AFM: variants seen among roughly 807,000 people sequenced by gnomAD.
The protein encoded by AFM is alpha-Alb.
AFM carries 82 observed loss-of-function variants against 68.7 expected under a neutral mutation model. The ratio of observed to expected loss-of-function variants is 1.19; its 90% CI spans 1.00 to 1.43. The LOEUF (loss-of-function observed/expected upper bound fraction) is 1.43, where lower values mean the gene tolerates loss of function less well. AFM is among the 40% of genes most tolerant of loss of function. The pLI is 0.00. For missense variants in AFM, 772 were observed against 701.8 expected (o/e 1.10, Z -1.13); for synonymous variants, 250 against 234.2 (o/e 1.07, Z -0.61).
At chr4:73,484,450 C>CTTTA in intron 3 of AFM, 60 bp downstream of exon 3, 1 of 327,078 alleles carries the variant, frequency 3.1e-6, no homozygotes, top group East Asian at 4.5e-5. Flanking sequence ...CTCTTTCTTT[C>CTTTA]TTTCTTTCTT....
rs748235643 is a variant in AFM at position 73,503,024 on chromosome 4, G to GT, written c.1780-21dup. 3 of 1,611,144 alleles carry GT rather than the reference G, an allele frequency of 1.9e-6. No individual in the cohort carries two copies. In the African/African-American group the frequency reaches 4.0e-5, roughly 21 times the overall value. ...GTGTCTTAAATTTTTCTTCCTATGTGTTTTTATTTCCATCCCTCACCTCAG... is the reference window on the plus strand; with the variant it reads ...GTGTCTTAAATTTTTCTTCCTATGTGTTTTTTATTTCCATCCCTCACCTCAG... On this transcript the variant is annotated intron_variant, in intron 13 of 14. Transcript: ENST00000226355.
At chr4:73,492,176 G>C (rs1721091533) in intron 8 of AFM, 90 bp downstream of exon 8, 1 of 1,188,922 alleles carries the variant, frequency 8.4e-7, no homozygotes, top group Non-Finnish European at 1.2e-6. Context: ...GAAGGACATG[G>C]TACCGTTTAT....
chr4:73,484,086 A>G (rs1396171052), intron 2 of AFM, 97 bp downstream of exon 2: 1 of 1,358,912 alleles, frequency 7.4e-7, no homozygotes, highest in Non-Finnish European at 9.9e-7. Context: ...AATAGAAGCC[A>G]TATCCAAGAA....
chr4:73,489,884 A>G (rs1721023522), intron 7 of AFM, among the ~76,000 whole-genome samples: 1 of 152,300 alleles, frequency 6.6e-6, no homozygotes, highest in East Asian at 1.9e-4. Flanking sequence ...CTTAAAACCT[A>G]GGTGATAAGT....
intron 9 of AFM, among the ~76,000 whole-genome samples, chr4:73,497,208 A>G (rs1721281110): frequency 6.6e-6 from 1 of 152,206 alleles, no homozygotes; most frequent in Non-Finnish European, 1.5e-5. Context: ...GAAAAAATCA[A>G]AAAGAGCAAC....
chr4:73,502,383 G>T (rs762748633), intron 13 of AFM, among the ~76,000 whole-genome samples: 1 of 152,080 alleles, frequency 6.6e-6, no homozygotes. Flanking sequence ...ACTTTCCCAG[G>T]CCTTGTGCTA....
At chr4:73,497,596 G>A (rs140089502) in intron 9 of AFM, 56 bp from the exon 10 acceptor site, 2 of 1,203,882 alleles carry the variant, frequency 1.7e-6, no homozygotes, top group African/African-American at 1.5e-5. Context: ...TTGATGTAAA[G>A]CTTATGGTTA....
chr4:73,482,814 A>G (rs1178676716), intron 1 of AFM, among the ~76,000 whole-genome samples: 1 of 151,950 alleles, frequency 6.6e-6, no homozygotes, highest in African/African-American at 2.4e-5. Context: ...ACCTTTTTCT[A>G]TTTGTCTGGC....
At chr4:73,481,955 C>T (rs1230609716) in intron 1 of AFM, 92 bp downstream of exon 1, 3 of 925,190 alleles carry the variant, frequency 3.2e-6, no homozygotes, top group Non-Finnish European at 3.3e-6. Context: ...TAATTCTTTA[C>T]TTGCTTTTTT....
At chr4:73,497,831 C>A in intron 10 of AFM, 82 bp downstream of exon 10, 1 of 873,742 alleles carries the variant, frequency 1.1e-6, no homozygotes, top group Non-Finnish European at 1.7e-6. Flanking sequence ...AGTTAGCTGT[C>A]AAGTTTTTCA....
chr4:73,502,434 G>T (rs1408674049), intron 13 of AFM, among the ~76,000 whole-genome samples: 1 of 146,762 alleles, frequency 6.8e-6, no homozygotes, highest in Non-Finnish European at 1.5e-5. Context: ...GGAGGGTAAG[G>T]GTAGTCAGGG....
At chr4:73,492,154 C>T (rs1284547333) in intron 8 of AFM, 68 bp downstream of exon 8, 2 of 1,417,368 alleles carry the variant, frequency 1.4e-6, no homozygotes, top group Non-Finnish European at 1.9e-6. Flanking sequence ...ACTTTTGTTG[C>T]TAATTTAGGT....
At chr4:73,503,617 A>G (rs1490695061) in intron 14 of AFM, among the ~76,000 whole-genome samples, 5 of 152,162 alleles carry the variant, frequency 3.3e-5, no homozygotes, top group Admixed American at 2.6e-4. Context: ...TTTCAAAAAG[A>G]TATATAAAGA....
intron 8 of AFM, among the ~76,000 whole-genome samples, chr4:73,492,876 T>TTTG (rs1553895088): frequency 6.6e-6 from 1 of 151,610 alleles, no homozygotes; most frequent in African/African-American, 2.4e-5. Flanking sequence ...TGTTTTTTTT[T>TTTG]TTGTTGTTGT....
chr4:73,501,697 C>A, intron 12 of AFM, 90 bp from the exon 13 acceptor site: 1 of 1,418,496 alleles, frequency 7.0e-7, no homozygotes, highest in South Asian at 1.4e-5. Context: ...AGCTGAGACT[C>A]AAGACGTGAT....
chr4:73,503,218 A>G (rs1721466994), intron 14 of AFM, 108 bp downstream of exon 14: 2 of 845,732 alleles, frequency 2.4e-6, no homozygotes, highest in Admixed American at 2.3e-5. Context: ...ATCCTACATG[A>G]ACAAGAAATG....
At chr4:73,493,941 A>C (rs1187556865) in intron 8 of AFM, among the ~76,000 whole-genome samples, 1 of 152,220 alleles carries the variant, frequency 6.6e-6, no homozygotes, top group Non-Finnish European at 1.5e-5. Flanking sequence ...CAGAGTGCTC[A>C]GTGTTTTAAG....
At chr4:73,486,499 T>C (rs1023797278) in intron 4 of AFM, among the ~76,000 whole-genome samples, 1 of 152,226 alleles carries the variant, frequency 6.6e-6, no homozygotes, top group Non-Finnish European at 1.5e-5. Flanking sequence ...GGAAGGTTGG[T>C]ATGCTCCTTG....
chr4:73,500,100 A>G lies in AFM; in HGVS notation c.1519A>G (p.Arg507Gly). 5.0e-6 allele frequency: 8 copies of G among 1,614,094 alleles called. No individual in the cohort carries two copies. Among genetic ancestry groups the G allele is most frequent in the Non-Finnish European group, 6.8e-6 (8 of 1,179,976 alleles). ...HCCKTNFAFR[R>G]PCFESLKADK... ...CTGTAAAACAAACTTTGCCTTCAGA[A>G]GGCCCTGCTTTGAGAGTTTGAAAGC... The change falls in exon 12 of 15, where the codon AGG (arginine) becomes GGG (glycine). Residue 507 changes from arginine (R) to glycine (G), a missense_variant. Arg to Gly is a moderately radical substitution (Grantham distance 125, BLOSUM62 -2). Coordinates refer to ENST00000226355, the MANE Select transcript of AFM (RefSeq NM_001133.2).
Sources: gnomAD v4.1 joint callset for allele counts (sites outside exome capture counted in the v4.1 genomes callset) on GRCh38, gnomAD v4.1.1 for gene constraint, MANE v1.5 for transcripts, NCBI Gene and HGNC (gene_info 2026-07-23, HGNC 2026-07-21) for gene names.